Variants in PGCKA1 observed in about 807,000 individuals in gnomAD.
PGCKA1 encodes PDCD10 and GCKIII kinases associated 1.
At chr4:37,509,993 G>T in the PGCKA1 span, among the ~76,000 whole-genome samples, 9 of 150,960 alleles carry the variant, frequency 6.0e-5, no homozygotes, top group Non-Finnish European at 8.9e-5. Flanking sequence ...GGGAGAGGGA[G>T]GGGGAGGGGG....
chr4:37,461,957 G>A, the PGCKA1 span, among the ~76,000 whole-genome samples: 1 of 152,024 alleles, frequency 6.6e-6, no homozygotes, highest in Non-Finnish European at 1.5e-5. Flanking sequence ...GGACTGTCAA[G>A]TTCTGAACTG....
chr4:37,575,742 TA>T, the PGCKA1 span, among the ~76,000 whole-genome samples: 1 of 152,168 alleles, frequency 6.6e-6, no homozygotes, highest in Non-Finnish European at 1.5e-5. Context: ...GTCTTAGATT[TA>T]TGTCTTTAAT....
the PGCKA1 span, among the ~76,000 whole-genome samples, chr4:37,525,435 G>A: frequency 1.8e-4 from 27 of 152,120 alleles, no homozygotes; most frequent in Admixed American, 1.2e-3. Flanking sequence ...ACTCTCCAAC[G>A]TAGTCCCTGC....
the PGCKA1 span, among the ~76,000 whole-genome samples, chr4:37,516,609 G>T: frequency 6.6e-6 from 1 of 152,098 alleles, no homozygotes; most frequent in Non-Finnish European, 1.5e-5. Context: ...GAGCCCACTG[G>T]CCTAAATCAC....
At chr4:37,531,808 C>T in the PGCKA1 span, among the ~76,000 whole-genome samples, 8 of 145,920 alleles carry the variant, frequency 5.5e-5, no homozygotes, top group Non-Finnish European at 1.0e-4. Context: ...AGGAGAATGA[C>T]GTGAACCCGG....
the PGCKA1 span, among the ~76,000 whole-genome samples, chr4:37,454,569 T>G: frequency 3.9e-5 from 6 of 152,012 alleles, no homozygotes; most frequent in Admixed American, 2.6e-4. Flanking sequence ...GGGCAGTGGG[T>G]AGGGGTGGGG....
chr4:37,529,307 A>T, the PGCKA1 span, among the ~76,000 whole-genome samples: 1 of 152,216 alleles, frequency 6.6e-6, no homozygotes, highest in South Asian at 2.1e-4. Flanking sequence ...TCAAATTATA[A>T]GCTAGTAAAT....
chr4:37,463,144 C>A, the PGCKA1 span, among the ~76,000 whole-genome samples: 1 of 152,128 alleles, frequency 6.6e-6, no homozygotes, highest in Admixed American at 6.5e-5. Flanking sequence ...TGTCTATAAC[C>A]TTCCTGTCCT....
chr4:37,535,316 A>G, the PGCKA1 span, among the ~76,000 whole-genome samples: 4 of 152,334 alleles, frequency 2.6e-5, no homozygotes, highest in East Asian at 7.7e-4. Flanking sequence ...TAAAGCAAGG[A>G]GTTCAGGGTT....
chr4:37,591,818 A>G, the PGCKA1 span: 1 of 152,248 alleles, frequency 6.6e-6, no homozygotes, highest in African/African-American at 2.4e-5. Flanking sequence ...CAATTAAAAT[A>G]TAACAACGTA....
chr4:37,521,196 C>T, the PGCKA1 span, among the ~76,000 whole-genome samples: 86 of 152,246 alleles, frequency 5.6e-4, 1 homozygote, highest in Middle Eastern at 3.4e-3. Flanking sequence ...CAGGGACTTA[C>T]AGCTATAAAC....
chr4:37,508,566 A>G, the PGCKA1 span, among the ~76,000 whole-genome samples: 1 of 151,860 alleles, frequency 6.6e-6, no homozygotes, highest in Admixed American at 6.6e-5. Flanking sequence ...AAAATGTCAA[A>G]TAGTACAATA....
At chr4:37,496,331 T>A in the PGCKA1 span, among the ~76,000 whole-genome samples, 27 of 152,340 alleles carry the variant, frequency 1.8e-4, no homozygotes, top group East Asian at 4.0e-3. Flanking sequence ...GGCAAGCCAG[T>A]TTTCCCATCA....
chr4:37,537,516 C>G, the PGCKA1 span, among the ~76,000 whole-genome samples: 1,189 of 152,208 alleles, frequency 7.8e-3, 20 homozygotes, highest in African/African-American at 0.027. Flanking sequence ...ACATAAGGAA[C>G]AGCAAGTGAT....
At chr4:37,462,060 G>A in the PGCKA1 span, among the ~76,000 whole-genome samples, 1 of 150,850 alleles carries the variant, frequency 6.6e-6, no homozygotes, top group Non-Finnish European at 1.5e-5. Context: ...TTTGTTGTTT[G>A]TTTAAAGGCA....
the PGCKA1 span, among the ~76,000 whole-genome samples, chr4:37,548,415 G>T: frequency 6.6e-6 from 1 of 152,074 alleles, no homozygotes; most frequent in Non-Finnish European, 1.5e-5. Flanking sequence ...AAAATTCTGT[G>T]TATAAACATA....
chr4:37,506,667 A>T, the PGCKA1 span, among the ~76,000 whole-genome samples: 1 of 150,970 alleles, frequency 6.6e-6, no homozygotes, highest in South Asian at 2.1e-4. Flanking sequence ...TCCATTATTT[A>T]GAATGTTTTA....
chr4:37,508,681 A>ATTTTTTTTTTTTTTT, the PGCKA1 span, among the ~76,000 whole-genome samples: 4 of 45,478 alleles, frequency 8.8e-5, no homozygotes, highest in African/African-American at 4.5e-4. Flanking sequence ...TTTTTGCTGA[A>ATTTTTTTTTTTTTTT]TCTTTTTTTT....
At chr4:37,572,639 A>G in the PGCKA1 span, among the ~76,000 whole-genome samples, 2 of 152,102 alleles carry the variant, frequency 1.3e-5, no homozygotes, top group African/African-American at 2.4e-5. Context: ...TAGAGTTTGG[A>G]TTTTTTTAAA....
Sources: gnomAD v4.1 joint callset for allele counts (sites outside exome capture counted in the v4.1 genomes callset) on GRCh38, gnomAD v4.1.1 for gene constraint, MANE v1.5 for transcripts, NCBI Gene and HGNC (gene_info 2026-07-23, HGNC 2026-07-21) for gene names.